NR3C1: variants seen among roughly 807,000 people sequenced by gnomAD.
The protein encoded by NR3C1 is nuclear receptor subfamily 3 group C member 1, also known as glucocorticoid receptor.
In NR3C1, 14 loss-of-function variants were observed where a neutral mutation model predicts 74.0. The ratio of observed to expected loss-of-function variants is 0.19; its 90% CI spans 0.12 to 0.30. The LOEUF (loss-of-function observed/expected upper bound fraction) is 0.30. Among genes scored for constraint, NR3C1 ranks in the 10% least tolerant of loss-of-function variants. The pLI, the probability that NR3C1 is intolerant of heterozygous loss-of-function variation, is 1.00. For missense variants in NR3C1, 695 were observed against 909.8 expected (o/e 0.76, Z 3.04); for synonymous variants, 308 against 332.5 (o/e 0.93, Z 0.80).
At chr5:143,319,607 G>T (rs939060154) in intron 2 of NR3C1, among the ~76,000 whole-genome samples, 1 of 152,152 alleles carries the variant, frequency 6.6e-6, no homozygotes, top group African/African-American at 2.4e-5. Flanking sequence ...ATTTGGCAGT[G>T]TCTGAAAACA....
At chr5:143,307,360 A>AG (rs1819858293) in intron 4 of NR3C1, among the ~76,000 whole-genome samples, 1 of 152,166 alleles carries the variant, frequency 6.6e-6, no homozygotes, top group East Asian at 1.9e-4. Context: ...TTGCTATTAA[A>AG]CTGTAAGAAG....
intron 2 of NR3C1, among the ~76,000 whole-genome samples, chr5:143,385,251 C>T (rs904379551): frequency 2.0e-5 from 3 of 152,188 alleles, no homozygotes; most frequent in African/African-American, 7.2e-5. Context: ...GACCTCCAGG[C>T]CTGTGATAGG....
intron 2 of NR3C1, among the ~76,000 whole-genome samples, chr5:143,332,172 T>C (rs538822221): frequency 1.3e-4 from 20 of 152,270 alleles, no homozygotes; most frequent in African/African-American, 4.8e-4. Context: ...ATGATTCACA[T>C]CTTCAATACT....
chr5:143,329,793 T>TA (rs1825570629), intron 2 of NR3C1, among the ~76,000 whole-genome samples: 1 of 152,202 alleles, frequency 6.6e-6, no homozygotes, highest in Non-Finnish European at 1.5e-5. Context: ...ATTCTCCAGA[T>TA]ACAGATAAAA....
chr5:143,310,029 T>C, intron 4 of NR3C1, 68 bp downstream of exon 4: 1 of 1,211,098 alleles, frequency 8.3e-7, no homozygotes, highest in Non-Finnish European at 1.2e-6. Context: ...ACGTGTATCT[T>C]CAAAAGTAAA....
At chr5:143,387,598 G>C (rs1837476924) in intron 2 of NR3C1, among the ~76,000 whole-genome samples, 1 of 151,954 alleles carries the variant, frequency 6.6e-6, no homozygotes. Flanking sequence ...CTGAACATTA[G>C]AGCAGTTCAT....
chr5:143,374,680 CACAGTGAGTCAAAAAAA>C (rs916793452), intron 2 of NR3C1, among the ~76,000 whole-genome samples: 5 of 152,102 alleles, frequency 3.3e-5, no homozygotes, highest in Middle Eastern at 3.4e-3. Flanking sequence ...GGCTTCAAAG[CACAGTGAGTCAAAAAAA>C]ACAGTGAGTC....
intron 1 of NR3C1, among the ~76,000 whole-genome samples, chr5:143,429,107 T>C (rs1751683315): frequency 6.6e-6 from 1 of 152,204 alleles, no homozygotes. Flanking sequence ...TAATAATAAA[T>C]AACAATGATA....
chr5:143,279,054 A>G lies in NR3C1; in HGVS notation c.*2835T>C, dbSNP rs1037589911. The stretch of plus-strand genomic sequence containing the variant: ...TTTCAGGATTTGTTGTGAGTAACCA[A>G]CTCTCACTGAAGTTACTACAAACTT... On this transcript the variant is annotated 3_prime_UTR_variant, in exon 9 of 9. Coordinates refer to ENST00000394464, the MANE Select transcript of NR3C1 (RefSeq NM_000176.3). 8 of 359,602 alleles carry G rather than the reference A, an allele frequency of 2.2e-5. No individual in the cohort carries two copies. Among genetic ancestry groups the G allele is most frequent in the South Asian group, 1.1e-4 (3 of 28,302 alleles). The allele number at this position is 359,602 out of a possible 1,614,324, so 22.3% of individuals were successfully genotyped here. A position where few individuals can be genotyped will look rare whatever the true frequency, so the allele number is the denominator to read the frequency against.
chr5:143,293,517 T>C (rs920029906), intron 7 of NR3C1, among the ~76,000 whole-genome samples: 13 of 152,138 alleles, frequency 8.5e-5, no homozygotes, highest in African/African-American at 2.4e-4. Context: ...CAAAAACCTA[T>C]TGAAATCATT....
intron 3 of NR3C1, among the ~76,000 whole-genome samples, chr5:143,313,606 C>T (rs561669849): frequency 6.6e-6 from 1 of 151,842 alleles, no homozygotes; most frequent in South Asian, 2.1e-4. Context: ...ACAGTTCTCA[C>T]TGTGACTCAT....
intron 1 of NR3C1, 51 bp from the exon 2 acceptor site, chr5:143,400,903 C>A: frequency 1.5e-6 from 2 of 1,367,956 alleles, no homozygotes; most frequent in South Asian, 2.4e-5. Context: ...GCTCTAAAGT[C>A]ACATTATCTT....
At chr5:143,319,922 A>T (rs1163401473) in intron 2 of NR3C1, among the ~76,000 whole-genome samples, 1 of 152,212 alleles carries the variant, frequency 6.6e-6, no homozygotes, top group Non-Finnish European at 1.5e-5. Flanking sequence ...AGAGATTCAA[A>T]ACAGAACTGA....
At chr5:143,355,200 C>T (rs546538047) in intron 2 of NR3C1, among the ~76,000 whole-genome samples, 1 of 152,198 alleles carries the variant, frequency 6.6e-6, no homozygotes, top group South Asian at 2.1e-4. Context: ...TGACAGAATA[C>T]CCCTATAATG....
At chr5:143,420,389 T>C (rs916159241) in intron 1 of NR3C1, among the ~76,000 whole-genome samples, 2 of 152,216 alleles carry the variant, frequency 1.3e-5, no homozygotes, top group Admixed American at 1.3e-4. Context: ...TAGGAAATTA[T>C]AGAAGTATTA....
chr5:143,282,580 A>G lies in NR3C1; in HGVS notation c.2169T>C (p.Asp723=). The G allele has an allele frequency of 6.2e-7, 1 of 1,613,854 alleles. No individual in the cohort carries two copies. Among genetic ancestry groups the G allele is most frequent in the African/African-American group, 1.3e-5 (1 of 75,012 alleles). ...QRFYQLTKLL[D]SMHEVVENLL... ...GTTTGACACTTACTTCATGCATAGA[A>G]TCCAAGAGTTTTGTCAGTTGATAAA... Residue 723 remains aspartate (D), a synonymous_variant, in exon 8 of 9, where the codon GAT becomes GAC. Coordinates refer to ENST00000394464, the MANE Select transcript of NR3C1 (RefSeq NM_000176.3).
At chr5:143,306,508 AACC>A (rs762180311) in intron 4 of NR3C1, among the ~76,000 whole-genome samples, 3 of 152,224 alleles carry the variant, frequency 2.0e-5, no homozygotes, top group Non-Finnish European at 4.4e-5. Flanking sequence ...TTTACAGTGA[AACC>A]ACACACACAA....
chr5:143,280,261 T>C lies in NR3C1; in HGVS notation c.*1628A>G, dbSNP rs372713535. ...TTCTTATTTTACACTATACAAGCTA[T>C]TTTACAATCATTTTAATAAATTGCA... On this transcript the variant is annotated 3_prime_UTR_variant, in exon 9 of 9. Coordinates refer to ENST00000394464, the MANE Select transcript of NR3C1 (RefSeq NM_000176.3). The C allele has an allele frequency of 1.2e-4, 19 of 152,638 alleles. No individual in the cohort carries two copies. The East Asian group carries it at 3.7e-3, about 29-fold the overall frequency. 9.5% of individuals were successfully genotyped at this position (152,638 alleles called of 1,614,324 possible). A position where few individuals can be genotyped will look rare whatever the true frequency, so the allele number is the denominator to read the frequency against.
exon 1 of NR3C1, chr5:143,434,801 A>C (rs2151965981): frequency 1.0e-6 from 1 of 985,484 alleles, no homozygotes; most frequent in South Asian, 4.7e-5. Flanking sequence ...GAGCACCAGA[A>C]TGAAATCTGA....
Sources: gnomAD v4.1 joint callset for allele counts (sites outside exome capture counted in the v4.1 genomes callset) on GRCh38, gnomAD v4.1.1 for gene constraint, MANE v1.5 for transcripts, NCBI Gene and HGNC (gene_info 2026-07-23, HGNC 2026-07-21) for gene names.